DCAF8L2: variants seen among roughly 807,000 people sequenced by gnomAD.
DCAF8L2 encodes the protein DDB1- and CUL4-associated factor 8-like protein 2.
For missense variants in DCAF8L2, 430 were observed against 490.7 expected, an observed-to-expected ratio of 0.88 and a Z score of 1.17; for synonymous variants, 200 against 190.9, an observed-to-expected ratio of 1.05 and a Z score of -0.39.
chrX:27,709,821 A>AT (rs373389760), intron 3 of DCAF8L2, among the ~76,000 whole-genome samples: 136 of 104,340 alleles, frequency 1.3e-3, no homozygotes, highest in Non-Finnish European at 2.2e-3. Context: ...TGGCATGTTC[A>AT]TTTTTTTTTT....
the DCAF8L2 span, among the ~76,000 whole-genome samples, chrX:27,469,482 T>C: frequency 3.6e-5 from 4 of 111,682 alleles, no homozygotes; most frequent in South Asian, 1.5e-3. Flanking sequence ...AAGATATATT[T>C]ACGTCATACA....
chrX:27,696,517 A>G (rs989600465), intron 3 of DCAF8L2, among the ~76,000 whole-genome samples: 1 of 111,457 alleles, frequency 9.0e-6, no homozygotes, highest in Admixed American at 9.6e-5. Context: ...CTTTGTTTTA[A>G]TTCCATAATT....
chrX:27,586,217 T>A (rs1050226574), upstream of DCAF8L2, among the ~76,000 whole-genome samples: 6 of 111,300 alleles, frequency 5.4e-5, no homozygotes, highest in African/African-American at 2.0e-4. Flanking sequence ...CTGTTATATA[T>A]TGCTGGAAAG....
At chrX:27,695,900 A>G (rs1930876177) in intron 3 of DCAF8L2, among the ~76,000 whole-genome samples, 1 of 110,777 alleles carries the variant, frequency 9.0e-6, no homozygotes, top group African/African-American at 3.3e-5. Flanking sequence ...TTACTATCAA[A>G]AATTTAAATG....
chrX:27,651,529 A>C (rs1181356612), intron 2 of DCAF8L2, among the ~76,000 whole-genome samples: 157 of 56,243 alleles, frequency 2.8e-3, no homozygotes, highest in Admixed American at 6.3e-3. Context: ...TTTTTTTTTG[A>C]GACGGAGTCT....
intron 4 of DCAF8L2, among the ~76,000 whole-genome samples, chrX:27,738,372 A>C (rs1488960213): frequency 8.9e-6 from 1 of 111,749 alleles, no homozygotes; most frequent in Non-Finnish European, 1.9e-5. Context: ...ACATTTGCTG[A>C]TCAGAGCAAA....
At chrX:27,613,058 A>C (rs1927270189) in intron 1 of DCAF8L2, among the ~76,000 whole-genome samples, 2 of 111,470 alleles carry the variant, frequency 1.8e-5, no homozygotes, top group African/African-American at 6.5e-5. Context: ...CCATTTTCAC[A>C]ATATTGATTC....
At chrX:27,521,951 G>A in the DCAF8L2 span, among the ~76,000 whole-genome samples, 1 of 112,047 alleles carries the variant, frequency 8.9e-6, no homozygotes, top group Admixed American at 9.5e-5. Context: ...CATATGTTTG[G>A]GAAATATTTT....
intron 3 of DCAF8L2, among the ~76,000 whole-genome samples, chrX:27,703,583 AT>A (rs1412096792): frequency 9.0e-6 from 1 of 111,176 alleles, no homozygotes; most frequent in African/African-American, 3.3e-5. Context: ...CGGTCAGTTG[AT>A]TTTTGAAAAG....
intron 1 of DCAF8L2, among the ~76,000 whole-genome samples, chrX:27,616,940 T>C (rs1486558112): frequency 8.9e-6 from 1 of 111,980 alleles, no homozygotes; most frequent in African/African-American, 3.2e-5. Context: ...GAAAAAGTTA[T>C]ACATTGCATT....
the DCAF8L2 span, among the ~76,000 whole-genome samples, chrX:27,497,549 C>CTTCCTTCCTTCCTTCTTTCTTTCTTTCT: frequency 1.6e-5 from 1 of 64,426 alleles, no homozygotes; most frequent in African/African-American, 8.8e-5. Context: ...TCCTTCCTTC[C>CTTCCTTCCTTCCTTCTTTCTTTCTTTCT]TTCTTTCTTT....
At chrX:27,683,406 G>A (rs908498296) in intron 3 of DCAF8L2, among the ~76,000 whole-genome samples, 12 of 111,751 alleles carry the variant, frequency 1.1e-4, no homozygotes, top group East Asian at 2.8e-4. Context: ...TTTTAGTTTC[G>A]CCTTCCAAAT....
At chrX:27,640,060 A>G (rs1004266006) in intron 2 of DCAF8L2, among the ~76,000 whole-genome samples, 6 of 111,297 alleles carry the variant, frequency 5.4e-5, no homozygotes, top group Admixed American at 3.8e-4. Context: ...TACATTAGGT[A>G]TATCTCCTAA....
intron 2 of DCAF8L2, among the ~76,000 whole-genome samples, chrX:27,658,145 C>A (rs1462012025): frequency 8.9e-6 from 1 of 112,154 alleles, no homozygotes; most frequent in Non-Finnish European, 1.9e-5. Flanking sequence ...TTACTTGAAT[C>A]CGAAAAGTAA....
intron 4 of DCAF8L2, among the ~76,000 whole-genome samples, chrX:27,743,623 G>A (rs902562046): frequency 1.2e-4 from 13 of 107,232 alleles, no homozygotes; most frequent in Non-Finnish European, 1.9e-4. Flanking sequence ...CTCAAACTCC[G>A]ACTGCAAGTA....
intron 3 of DCAF8L2, among the ~76,000 whole-genome samples, chrX:27,702,751 T>C (rs765590069): frequency 1.8e-5 from 2 of 111,587 alleles, no homozygotes; most frequent in Non-Finnish European, 3.8e-5. Context: ...TAACATCACA[T>C]TTAATAGTCA....
chrX:27,583,335 G>C, the DCAF8L2 span, among the ~76,000 whole-genome samples: 9 of 111,690 alleles, frequency 8.1e-5, no homozygotes, highest in Non-Finnish European at 1.7e-4. Flanking sequence ...AGATTTTCAA[G>C]ACTCATCTTG....
intron 3 of DCAF8L2, among the ~76,000 whole-genome samples, chrX:27,704,982 G>T (rs1931293917): frequency 9.1e-6 from 1 of 109,946 alleles, no homozygotes; most frequent in African/African-American, 3.3e-5. Flanking sequence ...CCTCAAATAG[G>T]CCCTAGTGTC....
At chrX:27,550,348 G>C in the DCAF8L2 span, among the ~76,000 whole-genome samples, 8 of 111,381 alleles carry the variant, frequency 7.2e-5, no homozygotes, top group Non-Finnish European at 1.3e-4. Flanking sequence ...GATTAAATCA[G>C]AGTAGTTAGC....
Sources: gnomAD v4.1 joint callset for allele counts (sites outside exome capture counted in the v4.1 genomes callset) on GRCh38, gnomAD v4.1.1 for gene constraint, MANE v1.5 for transcripts, NCBI Gene and HGNC (gene_info 2026-07-23, HGNC 2026-07-21) for gene names.